Variants in CDC123 observed in about 807,000 individuals in gnomAD.
The protein encoded by CDC123 is cell division cycle 123.
A neutral mutation model predicts 54.4 loss-of-function variants in CDC123; 37 were observed. That is an observed-to-expected ratio of 0.68 (90% confidence interval 0.52 to 0.89). The LOEUF is 0.89. Among genes scored for constraint, CDC123 ranks in the 40% least tolerant of loss-of-function variants. CDC123 has a pLI of 0.00. For missense variants in CDC123, 361 were observed against 412.1 expected (o/e 0.88, Z 1.07); for synonymous variants, 144 against 136.8 (o/e 1.05, Z -0.37).
In CDC123 at chr10:12,197,739, G is replaced by A. The variant is rs527298624; in HGVS notation, c.75-966G>A. On this transcript the variant is annotated intron_variant, in intron 1 of 12. Coordinates refer to ENST00000281141, the MANE Select transcript of CDC123 (RefSeq NM_006023.3). ...AAATCAAATATTTATTTTTAAAACC[G>A]AAGTTTTTGCTCTGTCGCCCAAGCT... 2.7e-4 allele frequency among the ~76,000 whole-genome samples: 38 copies of A among 139,580 alleles called. No homozygotes were observed. The South Asian group carries it at 8.0e-3, about 29-fold the overall frequency. The allele number at this position is 139,580 out of a possible 152,430, so 91.6% of individuals were successfully genotyped here. A position where few individuals can be genotyped will look rare whatever the true frequency, so the allele number is the denominator to read the frequency against.
At position 12,209,986 on chromosome 10, in the gene CDC123, T is replaced by G; in HGVS notation, c.166T>G (p.Ser56Ala). The change falls in exon 3 of 13, where the codon TCT becomes GCT. Residue 56 changes from serine (S) to alanine (A), a missense_variant. Physicochemically the swap from Ser to Ala is moderately conservative, Grantham distance 99. Transcript: ENST00000281141. The part of the protein sequence containing the change: ...VSGRDDPPTH[S>A]QPDSDDEAEE... ...TTTTAGGGATGATCCACCAACACAT[T>G]CTCAGCCAGACAGTGATGATGAAGC... The G allele has an allele frequency of 6.2e-7, 1 of 1,614,192 alleles. No homozygotes were observed. The highest frequency in any genetic ancestry group is 8.5e-7 in the Non-Finnish European group (1 of 1,180,026).
At chr10:12,214,913 A>T (rs900466537) in intron 4 of CDC123, among the ~76,000 whole-genome samples, 3 of 151,918 alleles carry the variant, frequency 2.0e-5, no homozygotes, top group Non-Finnish European at 4.4e-5. Context: ...CTGCGTGGAG[A>T]ATCTGTTAAT....
intron 2 of CDC123, among the ~76,000 whole-genome samples, chr10:12,201,675 G>T (rs1394673594): frequency 6.6e-6 from 1 of 152,162 alleles, no homozygotes; most frequent in Non-Finnish European, 1.5e-5. Context: ...GTGTGTGGGA[G>T]TCATGTTAAA....
At chr10:12,216,440 AATCT>A (rs1835666122) in intron 5 of CDC123, among the ~76,000 whole-genome samples, 2 of 152,170 alleles carry the variant, frequency 1.3e-5, no homozygotes, top group Non-Finnish European at 1.5e-5. Flanking sequence ...ATTTGTACTT[AATCT>A]AAGTTTTGTT....
intron 2 of CDC123, 78 bp downstream of exon 2, chr10:12,198,854 A>G (rs1057408536): frequency 1.5e-5 from 12 of 787,650 alleles, no homozygotes; most frequent in Non-Finnish European, 2.6e-5. Context: ...CTTAGGCACC[A>G]TTCTTTCCCT....
chr10:12,205,191 GCTTA>G (rs1041029241), intron 2 of CDC123, among the ~76,000 whole-genome samples: 60 of 152,024 alleles, frequency 3.9e-4, no homozygotes, highest in African/African-American at 1.4e-3. Flanking sequence ...CCTGTGCCTG[GCTTA>G]CTTCACTTAA....
intron 10 of CDC123, among the ~76,000 whole-genome samples, chr10:12,243,952 A>C (rs904991232): frequency 1.3e-5 from 2 of 152,194 alleles, no homozygotes; most frequent in Admixed American, 6.5e-5. Context: ...AGTTCCAGGA[A>C]TGAAGAAGTG....
At position 12,235,243 on chromosome 10, in the gene CDC123, G is replaced by T. The variant is rs1835963415; in HGVS notation, c.565+120G>T. 3 of 786,736 alleles carry T rather than the reference G, an allele frequency of 3.8e-6. No individual in the cohort carries two copies. In the Admixed American group the frequency reaches 6.1e-5, roughly 16 times the overall value. 48.7% of individuals were successfully genotyped at this position (786,736 alleles called of 1,614,324 possible). On this transcript the variant is annotated intron_variant, in intron 8 of 12. Coordinates refer to ENST00000281141, the MANE Select transcript of CDC123 (RefSeq NM_006023.3). Reference sequence around the variant, plus strand: ...GGGATGTCAATCTGTTTTCATCTCAGATGCCACCTCTAACCAGTTGATACT... The same window carrying T: ...GGGATGTCAATCTGTTTTCATCTCATATGCCACCTCTAACCAGTTGATACT...
At chr10:12,248,667 A>G (rs891499918) in intron 11 of CDC123, among the ~76,000 whole-genome samples, 3 of 151,604 alleles carry the variant, frequency 2.0e-5, no homozygotes, top group Admixed American at 1.3e-4. Context: ...TTAGCCAGGC[A>G]TGGTGGTGCA....
chr10:12,215,907 C>G (rs1341842769), intron 5 of CDC123, 72 bp downstream of exon 5: 1 of 882,680 alleles, frequency 1.1e-6, no homozygotes, highest in Non-Finnish European at 1.8e-6. Flanking sequence ...TTTCATATCC[C>G]TACAGAGGGT....
At chr10:12,200,789 C>T (rs903549718) in intron 2 of CDC123, among the ~76,000 whole-genome samples, 4 of 152,058 alleles carry the variant, frequency 2.6e-5, no homozygotes, top group Non-Finnish European at 4.4e-5. Context: ...AAAAATTAGC[C>T]GGGCATGGTG....
chr10:12,248,849 C>T (rs1836195893), intron 11 of CDC123, among the ~76,000 whole-genome samples: 1 of 151,920 alleles, frequency 6.6e-6, no homozygotes, highest in Non-Finnish European at 1.5e-5. Context: ...GTGGTTCATG[C>T]CTGTAATCCC....
chr10:12,215,914 G>T, intron 5 of CDC123, 79 bp downstream of exon 5: 2 of 821,770 alleles, frequency 2.4e-6, no homozygotes, highest in Middle Eastern at 2.4e-4. Context: ...TCCCTACAGA[G>T]GGTCTAATTA....
intron 6 of CDC123, among the ~76,000 whole-genome samples, chr10:12,228,531 G>T (rs1835858582): frequency 6.6e-6 from 1 of 151,066 alleles, no homozygotes; most frequent in Non-Finnish European, 1.5e-5. Context: ...TCAGCCTCCT[G>T]AGTAGCTGGG....
intron 10 of CDC123, among the ~76,000 whole-genome samples, chr10:12,240,191 A>G (rs1205363085): frequency 6.6e-6 from 1 of 152,192 alleles, no homozygotes; most frequent in Non-Finnish European, 1.5e-5. Flanking sequence ...CTGCTGACTT[A>G]ATGAAGAATT....
At chr10:12,199,049 C>G (rs866244910) in intron 2 of CDC123, among the ~76,000 whole-genome samples, 1 of 152,148 alleles carries the variant, frequency 6.6e-6, no homozygotes, top group African/African-American at 2.4e-5. Context: ...TTCCTTCTGA[C>G]GGTAGCAGGG....
At chr10:12,223,057 A>G (rs1044662763) in intron 6 of CDC123, among the ~76,000 whole-genome samples, 3 of 151,306 alleles carry the variant, frequency 2.0e-5, no homozygotes, top group South Asian at 4.2e-4. Context: ...ATGCCTGGCT[A>G]ATTTTTTTTT....
chr10:12,249,555 C>A lies in CDC123; in HGVS notation c.847-26C>A, dbSNP rs145536103. The A allele has an allele frequency of 3.7e-4, 591 of 1,598,796 alleles. 6 individuals are homozygous for A. The Admixed American group carries it at 7.8e-3, about 21-fold the overall frequency. ...GGCCTAAAAATAAATGATTGATATT[C>A]TTTCTCCTTTTTCTTCTTTGTACAG... On this transcript the variant is annotated intron_variant, in intron 11 of 12. Transcript: ENST00000281141.
intron 11 of CDC123, among the ~76,000 whole-genome samples, chr10:12,248,431 C>A (rs555464386): frequency 6.6e-6 from 1 of 150,712 alleles, no homozygotes; most frequent in East Asian, 2.0e-4. Context: ...ATTGCTTGAA[C>A]CTGGAAGGCG....
Sources: allele counts gnomAD v4.1 joint callset (sites outside exome capture counted in the v4.1 genomes callset), GRCh38; gene constraint gnomAD v4.1.1; transcripts MANE v1.5; gene names NCBI Gene and HGNC (gene_info 2026-07-23, HGNC 2026-07-21).